Variants in GGCX observed in about 807,000 individuals in gnomAD.
GGCX encodes gamma-glutamyl carboxylase.
A neutral mutation model predicts 88.5 loss-of-function variants in GGCX; 63 were observed. The observed-to-expected ratio is 0.71, with a 90% CI of 0.58 to 0.88. GGCX has a LOEUF of 0.88. Among genes scored for constraint, GGCX ranks in the 40% least tolerant of loss-of-function variants. The pLI, the probability that GGCX is intolerant of heterozygous loss-of-function variation, is 0.00. For missense variants in GGCX, 805 were observed against 932.9 expected (o/e 0.86, Z 1.79); for synonymous variants, 368 against 365.8 (o/e 1.01, Z -0.07).
Position 85,554,454 on chromosome 2 carries a change from T to TTTGTTGTTGTTG in GGCX, c.726-160_726-149dup, listed in dbSNP as rs60769490. 63,337 of 645,208 alleles carry TTTGTTGTTGTTG rather than the reference T, an allele frequency of 0.098. 2,622 individuals carry two copies. Among genetic ancestry groups the TTTGTTGTTGTTG allele is most frequent in the African/African-American group, 0.15 (8,165 of 53,514 alleles). 40.0% of individuals were successfully genotyped at this position (645,208 alleles called of 1,614,324 possible). On this transcript the variant is annotated intron_variant, in intron 6 of 14. Coordinates refer to ENST00000233838, the MANE Select transcript of GGCX (RefSeq NM_000821.7). The stretch of plus-strand genomic sequence containing the variant: ...CCCATGAAGACACTCCTCTAGGTTG[T>TTTGTTGTTGTTG]TTGTTGTTGTTGTTGTTGTTGTTGT...
In GGCX at chr2:85,550,657, C is replaced by CT; in HGVS notation, c.1981dup (p.Arg661LysfsTer10). 5.6e-6 allele frequency: 9 copies of CT among 1,613,990 alleles called. No individual in the cohort carries two copies. The highest frequency in any genetic ancestry group is 6.8e-6 in the Non-Finnish European group (8 of 1,179,840). On this transcript the variant is annotated frameshift_variant, in exon 14 of 15. Coordinates refer to ENST00000233838, the MANE Select transcript of GGCX (RefSeq NM_000821.7). LOFTEE classifies it high-confidence loss of function. Reference sequence around the variant, plus strand: ...AATCTCCTGGAGCCTTTGTTGGCGTCTAAGAAAGGTCTGAACCAGAGGTGT... The same window carrying CT: ...AATCTCCTGGAGCCTTTGTTGGCGTCTTAAGAAAGGTCTGAACCAGAGGTGT...
chr2:85,558,351 T>G (rs1692290285), intron 4 of GGCX, 89 bp downstream of exon 4: 5 of 1,156,320 alleles, frequency 4.3e-6, no homozygotes, highest in Non-Finnish European at 6.5e-6. Context: ...CAAACATGAC[T>G]GAAAAATTCC....
In GGCX at chr2:85,547,798, T is replaced by A. The variant is rs1261960019; in HGVS notation, c.*2136A>T. 2.0e-5 allele frequency: 3 copies of A among 152,246 alleles called. No individual in the cohort carries two copies. In the East Asian group the frequency reaches 5.8e-4, roughly 29 times the overall value. 9.4% of individuals were successfully genotyped at this position (152,246 alleles called of 1,614,324 possible). A position where few individuals can be genotyped will look rare whatever the true frequency, so the allele number is the denominator to read the frequency against. ...AAACTCCATTTGGCCTCCTCAGTGG[T>A]GGGGGAGGGTGGCAATCTGCTTGAC... On this transcript the variant is annotated 3_prime_UTR_variant, in exon 15 of 15. Coordinates refer to ENST00000233838, the MANE Select transcript of GGCX (RefSeq NM_000821.7).
At position 85,555,544 on chromosome 2, in the gene GGCX, T is replaced by A; in HGVS notation, c.665A>T (p.Asp222Val). ...TTCCATGGAATAGCCTTCAACCCAG[T>A]CTGCATCCAGCTTTTTCACACCCGC... is the stretch of plus-strand genomic sequence containing the variant. ...FIAGVKKLDADWVEGYSMEYL... is the reference protein window; with the variant it reads ...FIAGVKKLDAVWVEGYSMEYL... Residue 222 changes from aspartate to valine, a missense_variant, in exon 6 of 15, where the codon GAC (aspartate) becomes GTC (valine). Asp to Val is a radical substitution (Grantham distance 152). Coordinates refer to ENST00000233838, the MANE Select transcript of GGCX (RefSeq NM_000821.7). 1 of 1,608,640 alleles carries A rather than the reference T, an allele frequency of 6.2e-7. No individual in the cohort carries two copies. The highest frequency in any genetic ancestry group is 1.1e-5 in the South Asian group (1 of 90,958).
intron 2 of GGCX, 77 bp from the exon 3 acceptor site, chr2:85,559,152 G>T: frequency 8.4e-7 from 1 of 1,194,696 alleles, no homozygotes; most frequent in Non-Finnish European, 1.2e-6. Context: ...ACAGTTGACA[G>T]TGTGCAGCTC....
At position 85,553,220 on chromosome 2, in the gene GGCX, G is replaced by T. The variant is rs1284965933; in HGVS notation, c.1155+12C>A. 1.9e-5 allele frequency: 30 copies of T among 1,613,882 alleles called. No individual in the cohort carries two copies. The highest frequency in any genetic ancestry group is 2.2e-5 in the Non-Finnish European group (26 of 1,179,838). On this transcript the variant is annotated intron_variant, in intron 8 of 14. Coordinates refer to ENST00000233838, the MANE Select transcript of GGCX (RefSeq NM_000821.7). The stretch of plus-strand genomic sequence containing the variant: ...TCCAGCCTTTGCTGTACACTCCACA[G>T]CCCCTACAAACCTGGGTGAGAAAAT...
rs753943313 is a variant in GGCX at position 85,554,351 on chromosome 2, C to T, written c.726-45G>A. On this transcript the variant is annotated intron_variant, in intron 6 of 14. Coordinates refer to ENST00000233838, the MANE Select transcript of GGCX (RefSeq NM_000821.7). ...GTTCAAGCACCAGCCCACTGGAGAA[C>T]ACATCAAAGCACATTCACAGCACGA... The T allele has an allele frequency of 4.5e-6, 7 of 1,559,766 alleles. No homozygotes were observed. In the South Asian group the frequency reaches 7.8e-5, roughly 17 times the overall value.
chr2:85,553,811 G>C, intron 7 of GGCX: 1 of 461,426 alleles, frequency 2.2e-6, no homozygotes, highest in Non-Finnish European at 4.0e-6. Context: ...ATGTTGGTCA[G>C]GCCGGTCTCG....
In GGCX at chr2:85,558,450, T is replaced by C. The variant is rs149039591; in HGVS notation, c.529A>G (p.Asn177Asp). The C allele has an allele frequency of 6.7e-4, 1,082 of 1,613,802 alleles. 6 individuals carry two copies. The highest frequency in any genetic ancestry group is 4.4e-4 in the Non-Finnish European group (524 of 1,179,788). The change falls in exon 4 of 15, where the codon AAC becomes GAC. Residue 177 changes from asparagine to aspartate, a missense_variant. By Grantham distance (23) the Asn-to-Asp change is conservative. Coordinates refer to ENST00000233838, the MANE Select transcript of GGCX (RefSeq NM_000821.7). ...LAFQLTFMDA[N>D]HYWSVDGLLN... is the part of the protein sequence containing the mutation. ...CCCCCTGACTCATACCAGTAGTGGT[T>C]TGCATCCATGAATGTTAGCTGAAAG...
intron 4 of GGCX, among the ~76,000 whole-genome samples, chr2:85,557,412 A>G (rs190057696): frequency 2.2e-3 from 333 of 152,102 alleles, no homozygotes; most frequent in Non-Finnish European, 3.5e-3. Flanking sequence ...ACCTAAACAC[A>G]AGAAGGTTGA....
Position 85,553,302 on chromosome 2 carries a change from A to G in GGCX, c.1085T>C (p.Leu362Pro), listed in dbSNP as rs748201719. Residue 362 changes from leucine to proline, a missense_variant, in exon 8 of 15, where the codon CTG (leucine) becomes CCG (proline). Physicochemically the swap from Leu to Pro is moderately conservative, Grantham distance 98. This residue lies in a region of GGCX where 680 missense variants were observed against 763.7 expected (regional missense o/e 0.89). Transcript: ENST00000233838. ...SGQKPGLRHQ[L>P]GAAFTLLYLL... Reference sequence around the variant, plus strand: ...GTAGAGCAGGGTGAAGGCAGCTCCCAGCTGATGGCGCAGCCCTGGCTTCTG... The same window carrying G: ...GTAGAGCAGGGTGAAGGCAGCTCCCGGCTGATGGCGCAGCCCTGGCTTCTG... 8 of 1,614,076 alleles carry G rather than the reference A, an allele frequency of 5.0e-6. No homozygotes were observed. Among genetic ancestry groups the G allele is most frequent in the Non-Finnish European group, 5.9e-6 (7 of 1,179,984 alleles).
chr2:85,551,139 T>C, intron 12 of GGCX, 67 bp from the exon 13 acceptor site: 2 of 1,414,610 alleles, frequency 1.4e-6, no homozygotes, highest in Admixed American at 3.3e-5. Flanking sequence ...GCCTCCCTAC[T>C]CTATGACTCT....
In GGCX at chr2:85,546,040, C is replaced by T. The variant is rs957318099; in HGVS notation, c.*3894G>A. The stretch of plus-strand genomic sequence containing the variant: ...ACTTGGATTACATTTCTACCAACAT[C>T]TGAATGGTGGTCCAGCTTGTCCTGC... On this transcript the variant is annotated 3_prime_UTR_variant, in exon 15 of 15. Coordinates refer to ENST00000233838, the MANE Select transcript of GGCX (RefSeq NM_000821.7). 4.6e-5 allele frequency: 7 copies of T among 152,228 alleles called. No homozygotes were observed. Among genetic ancestry groups the T allele is most frequent in the South Asian group, 4.1e-4 (2 of 4,832 alleles). The allele number at this position is 152,228 out of a possible 1,614,324, so 9.4% of individuals were successfully genotyped here.
At position 85,551,846 on chromosome 2, in the gene GGCX, G is replaced by A. The variant is rs1691967945; in HGVS notation, c.1575C>T (p.Asn525=). The change falls in exon 11 of 15, where the codon AAC becomes AAT. Residue 525 remains asparagine, a synonymous_variant. Transcript: ENST00000233838. ...CTGCAATGAAGACCACCTCAGTGTG[G>A]TTGTCTAGGCTGCTCTTGATTTCCT... ...KLQEIKSSLD[N]HTEVVFIADF... 1 of 1,613,868 alleles carries A rather than the reference G, an allele frequency of 6.2e-7. No individual in the cohort carries two copies. Among genetic ancestry groups the A allele is most frequent in the South Asian group, 1.1e-5 (1 of 91,082 alleles).
rs1300547061 is a variant in GGCX at position 85,561,440 on chromosome 2, G to A, written c.-12C>T. On this transcript the variant is annotated 5_prime_UTR_variant, in exon 1 of 15. Coordinates refer to ENST00000233838, the MANE Select transcript of GGCX (RefSeq NM_000821.7). The stretch of plus-strand genomic sequence containing the variant: ...GCAGACACCGCCATTGCTCTGCGGA[G>A]GAGGCAGGTGGGTCACAGCTGCCGC... 13 of 1,566,296 alleles carry A rather than the reference G, an allele frequency of 8.3e-6. No homozygotes were observed. Among genetic ancestry groups the A allele is most frequent in the Non-Finnish European group, 1.1e-5 (13 of 1,154,616 alleles).
intron 2 of GGCX, 78 bp downstream of exon 2, chr2:85,560,737 G>A: frequency 8.9e-7 from 1 of 1,122,474 alleles, no homozygotes; most frequent in Non-Finnish European, 1.4e-6. Flanking sequence ...AGGGAGCTAA[G>A]TCTACTTGCA....
At chr2:85,558,001 C>G (rs1412023763) in intron 4 of GGCX, among the ~76,000 whole-genome samples, 1 of 152,158 alleles carries the variant, frequency 6.6e-6, no homozygotes, top group African/African-American at 2.4e-5. Flanking sequence ...CTGAGCAGCC[C>G]TGGTGGGCCC....
At chr2:85,555,273 TG>T (rs1028418377) in intron 6 of GGCX, 6 of 490,904 alleles carry the variant, frequency 1.2e-5, no homozygotes, top group African/African-American at 1.2e-4. Context: ...TTTCCTTTCT[TG>T]CCTATCTATA....
rs1691795282 is a variant in GGCX, at chr2:85,548,892, G to A, written c.*1042C>T. 6.6e-6 allele frequency: 1 copy of A among 152,080 alleles called. No homozygotes were observed. The highest frequency in any genetic ancestry group is 6.5e-5 in the Admixed American group (1 of 15,276). The allele number at this position is 152,080 out of a possible 1,614,324, so 9.4% of individuals were successfully genotyped here. A position where few individuals can be genotyped will look rare whatever the true frequency, so the allele number is the denominator to read the frequency against. On this transcript the variant is annotated 3_prime_UTR_variant, in exon 15 of 15. Transcript: ENST00000233838. Reference sequence around the variant, plus strand: ...AGGCTAGAATAATACCAAATACTAAGCTTATTTTTAGAGAAAATCTAGCAA... The same window carrying A: ...AGGCTAGAATAATACCAAATACTAAACTTATTTTTAGAGAAAATCTAGCAA...
Sources: gnomAD v4.1 joint callset for allele counts (sites outside exome capture counted in the v4.1 genomes callset) on GRCh38, gnomAD v4.1.1 for gene constraint, gnomAD v4.1.1 regional missense constraint, MANE v1.5 for transcripts, NCBI Gene and HGNC (gene_info 2026-07-23, HGNC 2026-07-21) for gene names.